The following SUFU variants were observed in gnomAD, a reference collection of about 807,000 sequenced individuals.
The protein encoded by SUFU is suppressor of fused homolog.
A neutral mutation model predicts 58.9 loss-of-function variants in SUFU; 7 were observed. The observed-to-expected ratio is 0.12, with a 90% CI of 0.07 to 0.22. The LOEUF (loss-of-function observed/expected upper bound fraction) is 0.22. Among genes scored for constraint, SUFU ranks in the 10% least tolerant of loss-of-function variants. The pLI is 1.00. For missense variants in SUFU, 451 were observed against 641.3 expected, an observed-to-expected ratio of 0.70 and a Z score of 3.20; for synonymous variants, 232 against 254.8, an observed-to-expected ratio of 0.91 and a Z score of 0.85.
intron 2 of SUFU, among the ~76,000 whole-genome samples, chr10:102,520,212 CTTTTTTTTTTT>C (rs36020604): frequency 1.3e-3 from 153 of 113,552 alleles, no homozygotes; most frequent in Non-Finnish European, 1.7e-3. Context: ...TTTTTTCTTT[CTTTTTTTTTTT>C]TTTTTTTTTT....
At chr10:102,515,315 C>CTTTTTTTTTTTTT (rs35257917) in intron 2 of SUFU, among the ~76,000 whole-genome samples, 1 of 130,246 alleles carries the variant, frequency 7.7e-6, no homozygotes, top group Non-Finnish European at 1.6e-5. Context: ...TTTGCCGGAA[C>CTTTTTTTTTTTTT]TTTTTTTTTT....
At chr10:102,560,274 A>G (rs1305950140) in intron 3 of SUFU, among the ~76,000 whole-genome samples, 2 of 152,122 alleles carry the variant, frequency 1.3e-5, no homozygotes, top group Non-Finnish European at 2.9e-5. Flanking sequence ...TCTGGATAGA[A>G]TTTGCAGTAT....
At chr10:102,545,804 T>C (rs2062849249) in intron 2 of SUFU, among the ~76,000 whole-genome samples, 1 of 151,984 alleles carries the variant, frequency 6.6e-6, no homozygotes, top group South Asian at 2.1e-4. Flanking sequence ...TGAAACCCTG[T>C]CTCTACTAAA....
chr10:102,582,761 C>G (rs1305241287), intron 3 of SUFU, among the ~76,000 whole-genome samples: 1 of 152,082 alleles, frequency 6.6e-6, no homozygotes, highest in African/African-American at 2.4e-5. Context: ...AGTCGGGTAG[C>G]TGAGGGAGGT....
At chr10:102,592,930 A>C (rs533554138) in intron 4 of SUFU, among the ~76,000 whole-genome samples, 11 of 152,294 alleles carry the variant, frequency 7.2e-5, no homozygotes, top group African/African-American at 2.6e-4. Context: ...GGAAGGGGGC[A>C]TTTGGTTGGG....
chr10:102,515,451 G>A (rs1392424194), intron 2 of SUFU, among the ~76,000 whole-genome samples: 1 of 151,870 alleles, frequency 6.6e-6, no homozygotes, highest in Non-Finnish European at 1.5e-5. Context: ...AAGTAGCTGG[G>A]ACTACAGGCG....
intron 4 of SUFU, 134 bp downstream of exon 4, chr10:102,592,858 T>C: frequency 9.6e-7 from 1 of 1,038,212 alleles, no homozygotes; most frequent in Non-Finnish European, 1.5e-6. Flanking sequence ...TTTCCTCTGA[T>C]GGTTTGTCAG....
At chr10:102,575,483 T>C (rs1368157580) in intron 3 of SUFU, among the ~76,000 whole-genome samples, 1 of 152,170 alleles carries the variant, frequency 6.6e-6, no homozygotes, top group Non-Finnish European at 1.5e-5. Context: ...GAGGCTGAAC[T>C]TGCTAGCTCA....
At chr10:102,573,112 C>CT (rs1266996670) in intron 3 of SUFU, 48 of 775,968 alleles carry the variant, frequency 6.2e-5, no homozygotes, top group Non-Finnish European at 7.5e-5. Context: ...TGCGGATCTT[C>CT]TTTTTTTTGT....
chr10:102,558,198 G>A (rs1052209526), intron 3 of SUFU, among the ~76,000 whole-genome samples: 6 of 152,040 alleles, frequency 3.9e-5, no homozygotes, highest in African/African-American at 1.4e-4. Context: ...CCCAACACCT[G>A]GCCTGTTTTT....
intron 3 of SUFU, among the ~76,000 whole-genome samples, chr10:102,555,095 C>T (rs180737787): frequency 1.3e-5 from 2 of 152,016 alleles, no homozygotes; most frequent in East Asian, 1.9e-4. Context: ...AGTGAAACCC[C>T]GTCTCTACTA....
At chr10:102,541,198 C>G (rs139017603) in intron 2 of SUFU, among the ~76,000 whole-genome samples, 1 of 152,124 alleles carries the variant, frequency 6.6e-6, no homozygotes, top group Non-Finnish European at 1.5e-5. Flanking sequence ...TATCACGGAT[C>G]CAAAACCAAA....
At chr10:102,571,815 C>T (rs1273750435) in intron 3 of SUFU, among the ~76,000 whole-genome samples, 4 of 152,204 alleles carry the variant, frequency 2.6e-5, no homozygotes, top group Non-Finnish European at 4.4e-5. Context: ...AAGGTGTTTA[C>T]CATGCTGCAT....
intron 3 of SUFU, among the ~76,000 whole-genome samples, chr10:102,567,317 C>G (rs188864952): frequency 1.1e-4 from 16 of 151,920 alleles, no homozygotes; most frequent in African/African-American, 3.6e-4. Flanking sequence ...CATCCAAAAC[C>G]TGTCAAGAAA....
intron 3 of SUFU, among the ~76,000 whole-genome samples, chr10:102,577,151 T>G (rs1247182324): frequency 1.4e-5 from 2 of 145,918 alleles, no homozygotes; most frequent in Non-Finnish European, 1.5e-5. Flanking sequence ...TGGCACCATC[T>G]TGGCTCACTG....
chr10:102,586,985 A>G (rs1361800168), intron 3 of SUFU, among the ~76,000 whole-genome samples: 2 of 152,226 alleles, frequency 1.3e-5, no homozygotes, highest in Non-Finnish European at 2.9e-5. Context: ...AGCTTATTTC[A>G]CTTAACATAA....
chr10:102,583,278 C>T (rs2063301331), intron 3 of SUFU, among the ~76,000 whole-genome samples: 1 of 152,228 alleles, frequency 6.6e-6, no homozygotes, highest in Non-Finnish European at 1.5e-5. Context: ...TCAGGCAGAG[C>T]TGCGGAAGAC....
At chr10:102,522,355 G>A (rs1454440878) in intron 2 of SUFU, among the ~76,000 whole-genome samples, 1 of 152,162 alleles carries the variant, frequency 6.6e-6, no homozygotes, top group Non-Finnish European at 1.5e-5. Flanking sequence ...TGTTCTTCCA[G>A]TTGTTGCTTT....
intron 9 of SUFU, 35 bp downstream of exon 9, chr10:102,615,437 A>G (rs1235039027): frequency 3.7e-6 from 6 of 1,613,472 alleles, no homozygotes; most frequent in Non-Finnish European, 5.1e-6. Flanking sequence ...AGTTTACCCC[A>G]CAGCACCCAG....
Sources: allele counts gnomAD v4.1 joint callset (sites outside exome capture counted in the v4.1 genomes callset), GRCh38; gene constraint gnomAD v4.1.1; transcripts MANE v1.5; gene names NCBI Gene and HGNC (gene_info 2026-07-23, HGNC 2026-07-21).